CBL: variants seen among roughly 807,000 people sequenced by gnomAD.
The protein encoded by CBL is E3 ubiquitin-protein ligase CBL.
Under a neutral mutation model 96.9 loss-of-function variants are expected in CBL, and 45 were observed. That is an observed-to-expected ratio of 0.46 (90% CI 0.37 to 0.60). The LOEUF (loss-of-function observed/expected upper bound fraction) is 0.60, where lower values mean the gene tolerates loss of function less well. Among genes scored for constraint, CBL ranks in the 20% least tolerant of loss-of-function variants. CBL has a pLI of 0.00. For synonymous variants in CBL, 420 were observed against 426.8 expected (o/e 0.98, Z 0.20); for missense variants, 1,024 against 1,143.5 (o/e 0.90, Z 1.51).
intron 2 of CBL, among the ~76,000 whole-genome samples, chr11:119,258,528 C>T (rs1343189069): frequency 6.6e-6 from 1 of 152,112 alleles, no homozygotes; most frequent in African/African-American, 2.4e-5. Context: ...AGAACTCTGC[C>T]CTCATGATCC....
chr11:119,283,619 TTC>T (rs1310109768), intron 9 of CBL, among the ~76,000 whole-genome samples: 15 of 126,738 alleles, frequency 1.2e-4, no homozygotes, highest in Non-Finnish European at 2.0e-4. Flanking sequence ...TCCTTTTTAA[TTC>T]TTTCTTTTTT....
chr11:119,276,196 C>T, intron 6 of CBL, 62 bp downstream of exon 6: 1 of 1,494,854 alleles, frequency 6.7e-7, no homozygotes, highest in Non-Finnish European at 9.3e-7. Flanking sequence ...CCAACCTCAT[C>T]ATTAATGACT....
intron 12 of CBL, among the ~76,000 whole-genome samples, chr11:119,294,872 A>G (rs1317110862): frequency 6.7e-5 from 8 of 119,962 alleles, no homozygotes; most frequent in African/African-American, 2.3e-4. Flanking sequence ...CTATCAGACA[A>G]TAGTTAGCAA....
At chr11:119,243,814 A>C (rs1565862745) in intron 2 of CBL, among the ~76,000 whole-genome samples, 1 of 151,920 alleles carries the variant, frequency 6.6e-6, no homozygotes, top group Admixed American at 6.6e-5. Flanking sequence ...TTGCAGCCTC[A>C]GCCTCCCAGG....
In CBL at chr11:119,299,481, C is replaced by G. The variant is rs2135321973; in HGVS notation, c.2435-14C>G. On this transcript the variant is annotated splice_polypyrimidine_tract_variant and intron_variant, in intron 15 of 15. Coordinates refer to ENST00000264033, the MANE Select transcript of CBL (RefSeq NM_005188.4). Reference sequence around the variant, plus strand: ...CCCCAGATTTGCAAATATTTTCTTTCCTATTTCTTCTAGATGTCACTGAAG... The same window carrying G: ...CCCCAGATTTGCAAATATTTTCTTTGCTATTTCTTCTAGATGTCACTGAAG... 6.2e-7 allele frequency: 1 copy of G among 1,612,762 alleles called. No homozygotes were observed.
intron 12 of CBL, among the ~76,000 whole-genome samples, chr11:119,291,437 G>T (rs752175021): frequency 1.9e-4 from 29 of 152,100 alleles, no homozygotes; most frequent in Non-Finnish European, 3.8e-4. Flanking sequence ...CAGGTGTAGT[G>T]CCTCATGCCT....
At chr11:119,215,209 T>G (rs1208493426) in intron 1 of CBL, among the ~76,000 whole-genome samples, 1 of 152,116 alleles carries the variant, frequency 6.6e-6, no homozygotes, top group Non-Finnish European at 1.5e-5. Flanking sequence ...ACTCTTGATA[T>G]AGGAAAAACC....
Position 119,298,339 on chromosome 11 carries a change from A to G in CBL, c.2252-19A>G, listed in dbSNP as rs767699734. ...ATGAAGTGCGTCAGAAGAAGATAAC[A>G]TCACTCATTTTTCTCCAGGTGAAGG... On this transcript the variant is annotated intron_variant, in intron 14 of 15. Coordinates refer to ENST00000264033, the MANE Select transcript of CBL (RefSeq NM_005188.4). 3.7e-6 allele frequency: 6 copies of G among 1,611,346 alleles called. No homozygotes were observed. Among genetic ancestry groups the G allele is most frequent in the Non-Finnish European group, 5.1e-6 (6 of 1,177,488 alleles).
chr11:119,226,871 A>G (rs1328221061), intron 1 of CBL, among the ~76,000 whole-genome samples: 1 of 152,234 alleles, frequency 6.6e-6, no homozygotes, highest in Non-Finnish European at 1.5e-5. Context: ...CTTAGGCTTT[A>G]GCATAATGTC....
intron 3 of CBL, among the ~76,000 whole-genome samples, chr11:119,272,095 T>C (rs1331851532): frequency 2.0e-5 from 3 of 152,198 alleles, no homozygotes; most frequent in Admixed American, 6.5e-5. Flanking sequence ...CCATGCTCTT[T>C]GAATACTCTT....
At position 119,291,556 on chromosome 11, in the gene CBL, A is replaced by C. The variant is rs148544384; in HGVS notation, c.2036+3610A>C. Among the ~76,000 whole-genome samples the C allele has an allele frequency of 3.9e-5, 6 of 152,118 alleles. No homozygotes were observed. The East Asian group carries it at 1.2e-3, about 29-fold the overall frequency. On this transcript the variant is annotated intron_variant, in intron 12 of 15. Transcript: ENST00000264033. The stretch of plus-strand genomic sequence containing the variant: ...CCTATCTCTATGAAAAAGATACAGA[A>C]ATGTAGCTGGGCATGGTGGTGCACA...
In CBL at chr11:119,305,548, A is replaced by G. The variant is rs1771993071; in HGVS notation, c.*5767A>G. On this transcript the variant is annotated 3_prime_UTR_variant, in exon 16 of 16. Transcript: ENST00000264033. ...CCTGTGTGAGGGCCGCTCTGCAGTAATGTTCTCAGGCAAGCCTTCCTAGGC... is the reference window on the plus strand; with the variant it reads ...CCTGTGTGAGGGCCGCTCTGCAGTAGTGTTCTCAGGCAAGCCTTCCTAGGC... 1 of 228,288 alleles carries G rather than the reference A, an allele frequency of 4.4e-6. No individual in the cohort carries two copies. Among genetic ancestry groups the G allele is most frequent in the African/African-American group, 2.2e-5 (1 of 45,012 alleles). 14.1% of individuals were successfully genotyped at this position (228,288 alleles called of 1,614,324 possible).
At chr11:119,242,424 G>A (rs1949593649) in intron 2 of CBL, among the ~76,000 whole-genome samples, 1 of 151,198 alleles carries the variant, frequency 6.6e-6, no homozygotes, top group South Asian at 2.1e-4. Flanking sequence ...TGTAATCCAA[G>A]CTACTCAGGA....
chr11:119,251,970 C>T (rs941514943), intron 2 of CBL, among the ~76,000 whole-genome samples: 1 of 152,098 alleles, frequency 6.6e-6, no homozygotes, highest in African/African-American at 2.4e-5. Flanking sequence ...TATACAAAGC[C>T]AACAAATGCC....
chr11:119,276,221 T>C, intron 6 of CBL, 87 bp downstream of exon 6: 2 of 1,330,608 alleles, frequency 1.5e-6, no homozygotes, highest in Non-Finnish European at 2.2e-6. Flanking sequence ...TCCAGGTTTC[T>C]TAAACTGCAG....
intron 3 of CBL, 43 bp from the exon 4 acceptor site, chr11:119,273,825 C>T: frequency 6.4e-7 from 1 of 1,567,974 alleles, no homozygotes; most frequent in Non-Finnish European, 8.8e-7. Flanking sequence ...CTGGAATTAT[C>T]TCTGTTATTT....
intron 1 of CBL, among the ~76,000 whole-genome samples, chr11:119,228,193 G>A (rs1365923276): frequency 6.6e-6 from 1 of 152,060 alleles, no homozygotes; most frequent in Non-Finnish European, 1.5e-5. Context: ...TTGGCTGACT[G>A]CAACCTCCGC....
At chr11:119,253,623 A>G (rs1949688546) in intron 2 of CBL, among the ~76,000 whole-genome samples, 1 of 147,216 alleles carries the variant, frequency 6.8e-6, no homozygotes, top group Non-Finnish European at 1.5e-5. Context: ...CCAAGATCGT[A>G]CCATTGCACT....
chr11:119,279,391 G>A (rs1222833699), intron 9 of CBL, among the ~76,000 whole-genome samples: 1 of 151,848 alleles, frequency 6.6e-6, no homozygotes, highest in African/African-American at 2.4e-5. Context: ...TGCACCTGTA[G>A]TTCTAACTAC....
Sources: gnomAD v4.1 joint callset for allele counts (sites outside exome capture counted in the v4.1 genomes callset) on GRCh38, gnomAD v4.1.1 for gene constraint, MANE v1.5 for transcripts, NCBI Gene and HGNC (gene_info 2026-07-23, HGNC 2026-07-21) for gene names.